Variants in MCC observed in about 807,000 individuals in gnomAD.
MCC encodes colorectal mutant cancer protein.
In MCC, 90 loss-of-function variants were observed where a neutral mutation model predicts 116.2. That is an observed-to-expected ratio of 0.77 (90% confidence interval 0.65 to 0.92). The LOEUF (loss-of-function observed/expected upper bound fraction) is 0.92. Among genes scored for constraint, MCC ranks in the 40% least tolerant of loss-of-function variants. The pLI, the probability that MCC is intolerant of heterozygous loss-of-function variation, is 0.00. For synonymous variants in MCC, 578 were observed against 510.5 expected, an observed-to-expected ratio of 1.13 and a Z score of -1.78; for missense variants, 1,516 against 1,312.2, an observed-to-expected ratio of 1.16 and a Z score of -2.40.
At chr5:113,476,263 T>G (rs1422338086) in intron 1 of MCC, among the ~76,000 whole-genome samples, 1 of 152,156 alleles carries the variant, frequency 6.6e-6, no homozygotes, top group Non-Finnish European at 1.5e-5. Flanking sequence ...AAGAACAAAG[T>G]TGGACAATTC....
intron 11 of MCC, among the ~76,000 whole-genome samples, chr5:113,076,373 T>C (rs1310162827): frequency 6.6e-6 from 1 of 151,872 alleles, no homozygotes; most frequent in East Asian, 1.9e-4. Flanking sequence ...TCACCAAAGT[T>C]GAAATGAAGG....
At chr5:113,070,961 A>C in intron 12 of MCC, 133 bp downstream of exon 12, 6 of 924,408 alleles carry the variant, frequency 6.5e-6, no homozygotes, top group African/African-American at 1.7e-5. Context: ...TTTGCTGTCC[A>C]AACCGCCAGA....
chr5:113,112,861 T>G (rs1031509707), intron 6 of MCC, among the ~76,000 whole-genome samples: 5 of 152,248 alleles, frequency 3.3e-5, no homozygotes, highest in African/African-American at 1.2e-4. Context: ...TTTTGTTAAT[T>G]TACTTGTTAA....
intron 1 of MCC, among the ~76,000 whole-genome samples, chr5:113,475,321 G>A (rs1044032875): frequency 2.0e-5 from 3 of 152,176 alleles, no homozygotes; most frequent in Non-Finnish European, 4.4e-5. Flanking sequence ...TCAACTGAGA[G>A]TTACATCAGA....
In MCC at chr5:113,104,318, C is replaced by G; in HGVS notation, c.1065G>C (p.Val355=). The G allele has an allele frequency of 6.2e-7, 1 of 1,613,766 alleles. No homozygotes were observed. ...CSDLNSELQR[V]LTGLENVVCG... Reference sequence around the variant, plus strand: ...AGACAACATTCTCCAGCCCTGTCAGCACCCTCTGCAGTTCTGAGTTCAGGT... The same window carrying G: ...AGACAACATTCTCCAGCCCTGTCAGGACCCTCTGCAGTTCTGAGTTCAGGT... Residue 355 remains valine, a synonymous_variant, in exon 7 of 19, where the codon GTG becomes GTC. Transcript: ENST00000408903.
chr5:113,313,378 G>A (rs551559027), intron 3 of MCC, among the ~76,000 whole-genome samples: 1 of 152,018 alleles, frequency 6.6e-6, no homozygotes, highest in African/African-American at 2.4e-5. Context: ...CAACAAAAAC[G>A]TGTAGAGAAG....
chr5:113,258,045 G>C (rs1765085638), intron 3 of MCC, among the ~76,000 whole-genome samples: 1 of 152,178 alleles, frequency 6.6e-6, no homozygotes, highest in Non-Finnish European at 1.5e-5. Context: ...GCAGAATTGA[G>C]AGAAGTTGAA....
At chr5:113,224,244 G>A (rs116668198) in intron 3 of MCC, among the ~76,000 whole-genome samples, 2,589 of 152,014 alleles carry the variant, frequency 0.017, 37 homozygotes, top group African/African-American at 0.035. Context: ...AGGCACGCGC[G>A]ACCACATCCG....
intron 1 of MCC, among the ~76,000 whole-genome samples, chr5:113,392,751 T>A (rs1273803545): frequency 1.3e-5 from 2 of 152,180 alleles, no homozygotes; most frequent in Non-Finnish European, 2.9e-5. Context: ...TTAATTAATT[T>A]AATGCTCAGA....
intron 4 of MCC, among the ~76,000 whole-genome samples, chr5:113,146,167 C>T (rs1357392870): frequency 6.7e-6 from 1 of 148,646 alleles, no homozygotes; most frequent in Non-Finnish European, 1.5e-5. Context: ...ACTTCCTCTA[C>T]ACAGATCAGA....
chr5:113,200,981 T>C (rs559457349), intron 3 of MCC, among the ~76,000 whole-genome samples: 18 of 152,334 alleles, frequency 1.2e-4, no homozygotes, highest in African/African-American at 4.3e-4. Context: ...TGCAGGTTAT[T>C]TGGAGTATGA....
chr5:113,407,594 T>A (rs1769873136), intron 1 of MCC, among the ~76,000 whole-genome samples: 1 of 152,208 alleles, frequency 6.6e-6, no homozygotes, highest in Admixed American at 6.5e-5. Context: ...GACTTGCAAG[T>A]TATCTCTGCA....
At chr5:113,313,731 C>T (rs1767195539) in intron 3 of MCC, among the ~76,000 whole-genome samples, 1 of 152,150 alleles carries the variant, frequency 6.6e-6, no homozygotes, top group Non-Finnish European at 1.5e-5. Context: ...AATAGATATT[C>T]CATATTCTCT....
At chr5:113,093,022 A>T (rs1755753108) in intron 8 of MCC, among the ~76,000 whole-genome samples, 1 of 152,264 alleles carries the variant, frequency 6.6e-6, no homozygotes, top group Admixed American at 6.5e-5. Context: ...ACACAGGACC[A>T]GATGTACACA....
intron 11 of MCC, among the ~76,000 whole-genome samples, chr5:113,072,200 AG>A (rs1240785139): frequency 2.6e-5 from 4 of 152,244 alleles, no homozygotes; most frequent in Non-Finnish European, 4.4e-5. Context: ...TGAAATGTTA[AG>A]GGGTTTGGAA....
chr5:113,168,249 G>A (rs1333991548), intron 3 of MCC, among the ~76,000 whole-genome samples: 1 of 152,150 alleles, frequency 6.6e-6, no homozygotes, highest in Non-Finnish European at 1.5e-5. Flanking sequence ...GGCAACTAGA[G>A]AGCCATAAAG....
chr5:113,443,974 C>A (rs1024279202), intron 1 of MCC, among the ~76,000 whole-genome samples: 14 of 143,506 alleles, frequency 9.8e-5, no homozygotes, highest in African/African-American at 3.9e-4. Flanking sequence ...AGGGGCCCAC[C>A]ACCATGCTCG....
chr5:113,441,712 C>T (rs568034181), intron 1 of MCC, among the ~76,000 whole-genome samples: 7 of 152,278 alleles, frequency 4.6e-5, no homozygotes, highest in African/African-American at 1.7e-4. Context: ...TCCACATGTT[C>T]TCATTGTTCA....
intron 4 of MCC, among the ~76,000 whole-genome samples, chr5:113,143,725 G>C (rs903525248): frequency 2.3e-4 from 35 of 152,282 alleles, no homozygotes; most frequent in African/African-American, 8.4e-4. Context: ...TTTCAATCTT[G>C]AGCCAATGGA....
Sources: allele counts gnomAD v4.1 joint callset (sites outside exome capture counted in the v4.1 genomes callset), GRCh38; gene constraint gnomAD v4.1.1; transcripts MANE v1.5; gene names NCBI Gene and HGNC (gene_info 2026-07-23, HGNC 2026-07-21).